The following CACNA1B variants were observed in gnomAD, a reference collection of about 807,000 sequenced individuals.
CACNA1B encodes calcium voltage-gated channel subunit alpha1 B.
In CACNA1B, 70 loss-of-function variants were observed where a neutral mutation model predicts 247.2. That is an observed-to-expected ratio of 0.28 (90% CI 0.23 to 0.35). The LOEUF is 0.35. Among genes scored for constraint, CACNA1B ranks in the 10% least tolerant of loss-of-function variants. The pLI is 1.00. For missense variants in CACNA1B, 2,367 were observed against 3,197.4 expected, an observed-to-expected ratio of 0.74 and a Z score of 6.26; for synonymous variants, 1,231 against 1,294.4, an observed-to-expected ratio of 0.95 and a Z score of 1.05.
rs927684222 is a variant in CACNA1B, at chr9:137,881,039, C to G, written c.391-1705C>G. Among the ~76,000 whole-genome samples the G allele has an allele frequency of 1.3e-5, 2 of 152,212 alleles. No individual in the cohort carries two copies. The highest frequency in any genetic ancestry group is 2.4e-5 in the African/African-American group (1 of 41,468). ...AGGGCAGAGCTGTGAGGAGAGGGCT[C>G]GGGCTGGGGGCTCCTTCCCAGCTGA... On this transcript the variant is annotated intron_variant, in intron 2 of 46. Coordinates refer to ENST00000371372, the MANE Select transcript of CACNA1B (RefSeq NM_000718.4). The surrounding 1 kb of genome is among the most constrained non-coding windows in gnomAD (Gnocchi z 4.3).
In CACNA1B at chr9:138,074,132, G is replaced by T. The variant is rs986300846; in HGVS notation, c.4857+66G>T. ...CCGTGCCCTGGAGCAGAGGGGCACT[G>T]ATCATGATTGTCAAATCATCGTCAT... On this transcript the variant is annotated intron_variant, in intron 34 of 46. Transcript: ENST00000371372. 17 of 1,059,346 alleles carry T rather than the reference G, an allele frequency of 1.6e-5. No individual in the cohort carries two copies. The African/African-American group carries it at 2.3e-4, about 15-fold the overall frequency. The allele number at this position is 1,059,346 out of a possible 1,614,324, so 65.6% of individuals were successfully genotyped here.
chr9:137,980,888 C>T (rs1054515843), intron 12 of CACNA1B, among the ~76,000 whole-genome samples: 6 of 152,122 alleles, frequency 3.9e-5, no homozygotes, highest in African/African-American at 1.2e-4. Context: ...AATGCATTTT[C>T]TTGATCCAAT....
chr9:138,062,478 C>T (rs992187342), intron 31 of CACNA1B, among the ~76,000 whole-genome samples: 8 of 152,138 alleles, frequency 5.3e-5, no homozygotes, highest in South Asian at 2.1e-4. Flanking sequence ...TGGGTTCGGT[C>T]GTAGAGGTAC....
intron 36 of CACNA1B, among the ~76,000 whole-genome samples, chr9:138,088,235 G>T (rs1035029940): frequency 1.3e-5 from 2 of 151,754 alleles, no homozygotes; most frequent in Admixed American, 1.3e-4. Flanking sequence ...CAGTTATGTT[G>T]GCGGGCACCT....
chr9:137,949,078 GGTGTGTGTGTGGTGT>G (rs1957836823), intron 6 of CACNA1B, among the ~76,000 whole-genome samples: 1 of 70,304 alleles, frequency 1.4e-5, no homozygotes. Context: ...TAGTGTGTGT[GGTGTGTGTGTGGTGT>G]GTGCATGTTT....
intron 1 of CACNA1B, 26 bp from the exon 2 acceptor site, chr9:137,879,028 T>A (rs1489622629): frequency 1.3e-6 from 2 of 1,507,624 alleles, no homozygotes; most frequent in Non-Finnish European, 1.8e-6. Context: ...GTGCGGCGTC[T>A]GCCGGCCAGT....
chr9:138,033,839 T>C (rs1959012704), intron 20 of CACNA1B, among the ~76,000 whole-genome samples: 1 of 152,110 alleles, frequency 6.6e-6, no homozygotes, highest in South Asian at 2.1e-4. Context: ...ATTACCTCCA[T>C]CTGGTCTCTC....
At chr9:137,920,084 G>A (rs544608408) in intron 6 of CACNA1B, among the ~76,000 whole-genome samples, 5 of 152,290 alleles carry the variant, frequency 3.3e-5, no homozygotes, top group South Asian at 4.1e-4. Flanking sequence ...GCAAAGAGGG[G>A]CCGTGTCTTT....
Position 138,121,147 on chromosome 9 carries a change from T to TA in CACNA1B, c.6489+267dup, listed in dbSNP as rs1210896781. Among the ~76,000 whole-genome samples, 6 of 152,084 alleles carry TA rather than the reference T, an allele frequency of 3.9e-5. No individual in the cohort carries two copies. Among genetic ancestry groups the TA allele is most frequent in the Non-Finnish European group, 8.8e-5 (6 of 67,988 alleles). On this transcript the variant is annotated intron_variant, in intron 46 of 46. Transcript: ENST00000371372. This position sits in a 1 kb window ranked among gnomAD's most constrained non-coding sequence, Gnocchi z 6.8. ...CCACTTTCGGACCTGGGCCCCCAAA[T>TA]ACTTACCTCTCTCTCGGTCACTTAA...
rs1959621884 is a variant in CACNA1B at position 138,059,123 on chromosome 9, G to A, written c.4518G>A (p.Leu1506=). 1 of 1,613,140 alleles carries A rather than the reference G, an allele frequency of 6.2e-7. No individual in the cohort carries two copies. Among genetic ancestry groups the A allele is most frequent in the African/African-American group, 1.3e-5 (1 of 74,906 alleles). The change falls in exon 30 of 47, where the codon CTG becomes CTA. Residue 1506 remains leucine (L), a synonymous_variant. Coordinates refer to ENST00000371372, the MANE Select transcript of CACNA1B (RefSeq NM_000718.4). The surrounding 1 kb of genome is among the most constrained non-coding windows in gnomAD (Gnocchi z 4.2). The stretch of plus-strand genomic sequence containing the variant: ...AGTACGAGCTGATGCTGAAATGCCT[G>A]AACATCGTGTTCACATCCATGTTCT... ...PYEYELMLKC[L]NIVFTSMFSM...
rs1958415274 is a variant in CACNA1B, at chr9:137,990,131, G to A, written c.1974+3277G>A. Among the ~76,000 whole-genome samples, 1 of 152,192 alleles carries A rather than the reference G, an allele frequency of 6.6e-6. No homozygotes were observed. The highest frequency in any genetic ancestry group is 1.5e-5 in the Non-Finnish European group (1 of 68,028). On this transcript the variant is annotated intron_variant, in intron 15 of 46. Transcript: ENST00000371372. This position sits in a 1 kb window ranked among gnomAD's most constrained non-coding sequence, Gnocchi z 4.5. ...TTGGGGGTGGGCACGGTAGGAGTGA[G>A]ACCAGCCTTTTGGACTGCGGGCTGC...
chr9:138,026,657 G>C (rs1442512271), intron 20 of CACNA1B, among the ~76,000 whole-genome samples: 1 of 152,162 alleles, frequency 6.6e-6, no homozygotes, highest in Non-Finnish European at 1.5e-5. Context: ...GCATACCACA[G>C]TTTATTTATT....
intron 15 of CACNA1B, among the ~76,000 whole-genome samples, chr9:137,996,269 T>C (rs114138014): frequency 0.01 from 1,526 of 152,326 alleles, 30 homozygotes; most frequent in African/African-American, 0.034. Context: ...AGATGCCTAT[T>C]GGTCAACGAG....
rs181088270 is a variant in CACNA1B at position 137,977,942 on chromosome 9, C to T, written c.1656+1923C>T. Among the ~76,000 whole-genome samples the T allele has an allele frequency of 2.6e-3, 393 of 149,398 alleles. 5 individuals carry two copies. Among genetic ancestry groups the T allele is most frequent in the Non-Finnish European group, 1.2e-3 (80 of 67,246 alleles). The stretch of plus-strand genomic sequence containing the variant: ...AAGGAGTGACAGGTGGGAGCACTAC[C>T]CCCCCCAGGAAGGAGTGAAGGGTGG... On this transcript the variant is annotated intron_variant, in intron 12 of 46. Coordinates refer to ENST00000371372, the MANE Select transcript of CACNA1B (RefSeq NM_000718.4).
intron 15 of CACNA1B, among the ~76,000 whole-genome samples, chr9:137,999,358 A>C (rs1958537709): frequency 6.6e-6 from 1 of 152,168 alleles, no homozygotes; most frequent in Non-Finnish European, 1.5e-5. Context: ...AAGTTGAAGG[A>C]TTTGGGAGTA....
chr9:138,121,018 C>T lies in CACNA1B; in HGVS notation c.6489+137C>T, dbSNP rs1057436908. ...CCCAGCAACCCAAGGGCCGGGCGCT[C>T]CCCTCTGTGCCCTGTCCCGGAGCCC... On this transcript the variant is annotated intron_variant, in intron 46 of 46. Transcript: ENST00000371372. The surrounding 1 kb of genome is among the most constrained non-coding windows in gnomAD (Gnocchi z 6.8). The T allele has an allele frequency of 5.3e-5, 52 of 981,190 alleles. 1 individual carries two copies. In the Admixed American group the frequency reaches 1.1e-3, roughly 21 times the overall value. 60.8% of individuals were successfully genotyped at this position (981,190 alleles called of 1,614,324 possible).
In CACNA1B at chr9:138,013,248, G is replaced by A; in HGVS notation, c.2267+13G>A. 6.4e-7 allele frequency: 1 copy of A among 1,564,138 alleles called. No individual in the cohort carries two copies. Among genetic ancestry groups the A allele is most frequent in the Non-Finnish European group, 8.7e-7 (1 of 1,154,930 alleles). On this transcript the variant is annotated intron_variant, in intron 18 of 46. Coordinates refer to ENST00000371372, the MANE Select transcript of CACNA1B (RefSeq NM_000718.4). The stretch of plus-strand genomic sequence containing the variant: ...TCTCCATCGCCGCGTAAGGCTCCTA[G>A]GAGTGGATTGTGGGGTGGCAGTGGG...
chr9:137,966,328 C>T (rs1958075669), intron 10 of CACNA1B, among the ~76,000 whole-genome samples: 2 of 151,004 alleles, frequency 1.3e-5, no homozygotes, highest in South Asian at 2.1e-4. Flanking sequence ...GGGTTCATGC[C>T]ATTCTCCTGC....
At position 138,069,008 on chromosome 9, in the gene CACNA1B, G is replaced by C. The variant is rs367979272; in HGVS notation, c.4669-750G>C. Among the ~76,000 whole-genome samples the C allele has an allele frequency of 4.6e-5, 7 of 152,316 alleles. No individual in the cohort carries two copies. In the South Asian group the frequency reaches 1.5e-3, roughly 32 times the overall value. On this transcript the variant is annotated intron_variant, in intron 31 of 46. Transcript: ENST00000371372. ...AAGCAAGCCCTCCTTGGCAGCCCCT[G>C]CCAACCCTGGACACCCAGCAGGTTG...
Sources: gnomAD v4.1 joint callset for allele counts (sites outside exome capture counted in the v4.1 genomes callset) on GRCh38, gnomAD v4.1.1 for gene constraint, Gnocchi (gnomAD v3.1) non-coding constraint, MANE v1.5 for transcripts, NCBI Gene and HGNC (gene_info 2026-07-23, HGNC 2026-07-21) for gene names.